BCAS3: variants seen among roughly 807,000 people sequenced by gnomAD.
BCAS3 encodes the protein BCAS4/BCAS3 fusion.
BCAS3 carries 53 observed loss-of-function variants against 116.1 expected under a neutral mutation model. That is an observed-to-expected ratio of 0.46 (90% CI 0.37 to 0.57). The LOEUF is 0.57. BCAS3 is among the 20% of genes least tolerant of loss of function. The pLI is 0.00. For synonymous variants in BCAS3, 391 were observed against 408.2 expected, an observed-to-expected ratio of 0.96 and a Z score of 0.51; for missense variants, 917 against 1,165.4, an observed-to-expected ratio of 0.79 and a Z score of 3.10.
chr17:61,382,516 C>T (rs2059654576), intron 23 of BCAS3, among the ~76,000 whole-genome samples: 1 of 151,900 alleles, frequency 6.6e-6, no homozygotes, highest in South Asian at 2.1e-4. Context: ...CCCACCTTGG[C>T]CTCCCAAAGT....
chr17:61,376,206 C>T lies in BCAS3; in HGVS notation c.2593+7712C>T, dbSNP rs1174187768. On this transcript the variant is annotated intron_variant, in intron 23 of 23. Transcript: ENST00000407086. The surrounding 1 kb of genome is among the most constrained non-coding windows in gnomAD (Gnocchi z 4.5). ...ATGTGGGCCTCTCAGGTCCCTTTCCCAAACCTGAGATTCTCTGATTCTAAG... is the reference window on the plus strand; with the variant it reads ...ATGTGGGCCTCTCAGGTCCCTTTCCTAAACCTGAGATTCTCTGATTCTAAG... Among the ~76,000 whole-genome samples the T allele has an allele frequency of 6.6e-6, 1 of 152,182 alleles. No individual in the cohort carries two copies. Among genetic ancestry groups the T allele is most frequent in the African/African-American group, 2.4e-5 (1 of 41,430 alleles).
chr17:61,110,178 T>TATC (rs2074962239), intron 22 of BCAS3, among the ~76,000 whole-genome samples: 1 of 152,226 alleles, frequency 6.6e-6, no homozygotes, highest in African/African-American at 2.4e-5. Context: ...GCTTGCCAAT[T>TATC]ATCCTAGCAC....
intron 6 of BCAS3, among the ~76,000 whole-genome samples, chr17:60,784,867 G>A (rs1438075910): frequency 6.6e-6 from 1 of 151,970 alleles, no homozygotes; most frequent in East Asian, 2.0e-4. Flanking sequence ...AGGCTGACGT[G>A]GATGGAGCAC....
In BCAS3 at chr17:61,343,028, A is replaced by G. The variant is rs1418600042; in HGVS notation, c.2426-25299A>G. Reference sequence around the variant, plus strand: ...CGGCCTCCCAAAGTGCTGGGATTACAGGCGTGAGCCACTGAGCCCAGCCGA... The same window carrying G: ...CGGCCTCCCAAAGTGCTGGGATTACGGGCGTGAGCCACTGAGCCCAGCCGA... On this transcript the variant is annotated intron_variant, in intron 22 of 23. Coordinates refer to ENST00000407086, the MANE Select transcript of BCAS3 (RefSeq NM_017679.5). This position sits in a 1 kb window ranked among gnomAD's most constrained non-coding sequence, Gnocchi z 5.5. Among the ~76,000 whole-genome samples the G allele has an allele frequency of 2.6e-5, 4 of 152,236 alleles. No individual in the cohort carries two copies. The East Asian group carries it at 7.7e-4, about 29-fold the overall frequency.
chr17:60,902,250 G>T (rs2057945556), intron 10 of BCAS3, among the ~76,000 whole-genome samples: 1 of 152,104 alleles, frequency 6.6e-6, no homozygotes, highest in Admixed American at 6.5e-5. Flanking sequence ...CATCTAATTT[G>T]TTAGCATGTC....
chr17:61,047,948 G>A (rs949195516), intron 19 of BCAS3, among the ~76,000 whole-genome samples: 2 of 151,984 alleles, frequency 1.3e-5, no homozygotes, highest in African/African-American at 4.8e-5. Flanking sequence ...TGTGATGTGT[G>A]AAAAGTTCCT....
At chr17:61,090,857 A>G (rs1418083634) in intron 22 of BCAS3, among the ~76,000 whole-genome samples, 3 of 152,092 alleles carry the variant, frequency 2.0e-5, no homozygotes, top group East Asian at 1.9e-4. Context: ...GGGTGTCACC[A>G]TGTTGGTCAG....
At chr17:61,262,943 C>T (rs553411039) in intron 22 of BCAS3, among the ~76,000 whole-genome samples, 29 of 152,312 alleles carry the variant, frequency 1.9e-4, no homozygotes, top group Admixed American at 7.2e-4. Context: ...CCACCCGCCT[C>T]AGCCTCCCAA....
chr17:61,289,902 A>G (rs972588589), intron 22 of BCAS3, among the ~76,000 whole-genome samples: 2 of 152,144 alleles, frequency 1.3e-5, no homozygotes, highest in African/African-American at 2.4e-5. Context: ...CTTAGAATCA[A>G]TTTGTTTGAG....
At position 61,380,399 on chromosome 17, in the gene BCAS3, G is replaced by T. The variant is rs2059549254; in HGVS notation, c.2594-11578G>T. The T allele has an allele frequency of 9.5e-7, 1 of 1,048,658 alleles. No homozygotes were observed. The highest frequency in any genetic ancestry group is 1.4e-6 in the Non-Finnish European group (1 of 702,830). 65.0% of individuals were successfully genotyped at this position (1,048,658 alleles called of 1,614,324 possible). A position where few individuals can be genotyped will look rare whatever the true frequency, so the allele number is the denominator to read the frequency against. On this transcript the variant is annotated intron_variant, in intron 23 of 23. Coordinates refer to ENST00000407086, the MANE Select transcript of BCAS3 (RefSeq NM_017679.5). This position sits in a 1 kb window ranked among gnomAD's most constrained non-coding sequence, Gnocchi z 4.2. ...TGAACACCCCCGCAAAGCTCTCAGTGGTCAAACCAGATTTGGGTATCGACT... is the reference window on the plus strand; with the variant it reads ...TGAACACCCCCGCAAAGCTCTCAGTTGTCAAACCAGATTTGGGTATCGACT...
intron 22 of BCAS3, among the ~76,000 whole-genome samples, chr17:61,295,289 A>G (rs572115257): frequency 6.6e-6 from 1 of 152,320 alleles, no homozygotes; most frequent in Admixed American, 6.5e-5. Context: ...CTTAAACTTT[A>G]TTCTCAAGAG....
chr17:60,952,333 CTT>C (rs2145268421), intron 14 of BCAS3, among the ~76,000 whole-genome samples: 1 of 139,770 alleles, frequency 7.2e-6, no homozygotes, highest in South Asian at 2.4e-4. Context: ...TTTTTTTTTT[CTT>C]TTGAGACAGA....
intron 6 of BCAS3, among the ~76,000 whole-genome samples, chr17:60,767,558 G>T (rs2044243911): frequency 6.6e-6 from 1 of 151,854 alleles, no homozygotes; most frequent in African/African-American, 2.4e-5. Context: ...TGCTGGCCAG[G>T]CTGGTGTCAA....
chr17:60,949,163 C>T (rs539524329), intron 14 of BCAS3, among the ~76,000 whole-genome samples: 2 of 152,316 alleles, frequency 1.3e-5, no homozygotes, highest in South Asian at 2.1e-4. Context: ...ACGTGAGCCA[C>T]CGCGCCCAGC....
chr17:61,293,243 G>T lies in BCAS3; in HGVS notation c.2426-75084G>T, dbSNP rs1303307357. Among the ~76,000 whole-genome samples the T allele has an allele frequency of 2.0e-5, 3 of 152,310 alleles. No homozygotes were observed. The East Asian group carries it at 5.8e-4, about 29-fold the overall frequency. ...ATGGAGGGAAAATTAAAGGGTAGAT[G>T]TGGAAATAGTCATAGTTTCATCTTT... is the stretch of plus-strand genomic sequence containing the variant. On this transcript the variant is annotated intron_variant, in intron 22 of 23. Transcript: ENST00000407086.
At chr17:60,780,565 A>C (rs2045735295) in intron 6 of BCAS3, among the ~76,000 whole-genome samples, 1 of 151,458 alleles carries the variant, frequency 6.6e-6, no homozygotes, top group African/African-American at 2.4e-5. Context: ...AGCCCCCCAA[A>C]GTGCTGGGAT....
At chr17:61,038,678 T>G (rs2067253343) in intron 18 of BCAS3, among the ~76,000 whole-genome samples, 2 of 146,164 alleles carry the variant, frequency 1.4e-5, no homozygotes, top group African/African-American at 2.5e-5. Flanking sequence ...GTTTTTTTTT[T>G]TTTTTTTTTG....
rs1017116034 is a variant in BCAS3, at chr17:61,327,000, A to C, written c.2426-41327A>C. ...TAAAGGAAATATAAAAGGGCAATAA[A>C]ATTTTTAATTAAAAAACAAAACAGG... On this transcript the variant is annotated intron_variant, in intron 22 of 23. Coordinates refer to ENST00000407086, the MANE Select transcript of BCAS3 (RefSeq NM_017679.5). The surrounding 1 kb of genome is among the most constrained non-coding windows in gnomAD (Gnocchi z 5.3). Among the ~76,000 whole-genome samples, 2 of 152,158 alleles carry C rather than the reference A, an allele frequency of 1.3e-5. No homozygotes were observed. The highest frequency in any genetic ancestry group is 2.1e-4 in the South Asian group (1 of 4,832).
intron 4 of BCAS3, among the ~76,000 whole-genome samples, chr17:60,690,230 A>G (rs938633979): frequency 2.0e-5 from 3 of 152,114 alleles, no homozygotes; most frequent in African/African-American, 7.2e-5. Flanking sequence ...TAGTGTCCTC[A>G]ACGTTCATCT....
Sources: allele counts gnomAD v4.1 joint callset (sites outside exome capture counted in the v4.1 genomes callset), GRCh38; gene constraint gnomAD v4.1.1; non-coding constraint Gnocchi (gnomAD v3.1); transcripts MANE v1.5; gene names NCBI Gene and HGNC (gene_info 2026-07-23, HGNC 2026-07-21).